The following PIEZO2 variants were observed in gnomAD, a reference collection of about 807,000 sequenced individuals.
The protein encoded by PIEZO2 is piezo type mechanosensitive ion channel component 2, also known as piezo-type mechanosensitive ion channel component 2.
In PIEZO2, 172 loss-of-function variants were observed where a neutral mutation model predicts 337.3. The ratio of observed to expected loss-of-function variants is 0.51; its 90% CI spans 0.45 to 0.58. The LOEUF (loss-of-function observed/expected upper bound fraction) is 0.58. Ranked by LOEUF, PIEZO2 falls within the 20% of genes least tolerant of loss-of-function variation. The pLI is 0.00. For synonymous variants in PIEZO2, 1,251 were observed against 1,228.5 expected, an observed-to-expected ratio of 1.02 and a Z score of -0.38; for missense variants, 3,028 against 3,391.3, an observed-to-expected ratio of 0.89 and a Z score of 2.66.
rs1196679498 is a variant in PIEZO2 at position 10,699,098 on chromosome 18, C to T, written c.6521G>A (p.Gly2174Asp). Residue 2174 changes from glycine to aspartate, a missense_variant, in exon 44 of 56, where the codon GGT becomes GAT. Physicochemically the swap from Gly to Asp is moderately conservative, Grantham distance 94. Coordinates refer to ENST00000674853, the MANE Select transcript of PIEZO2 (RefSeq NM_001378183.1). ...REESDDELSL[G>D]HGRRDSSDSL... ...ATCGGAGGAGTCCCTCCTGCCATGA[C>T]CGAGGGAGAGCTCATCATCTGATTC... is the stretch of plus-strand genomic sequence containing the variant. 6.5e-7 allele frequency: 1 copy of T among 1,537,208 alleles called. No individual in the cohort carries two copies. Among genetic ancestry groups the T allele is most frequent in the Non-Finnish European group, 8.7e-7 (1 of 1,146,898 alleles).
chr18:10,941,568 T>TA lies in PIEZO2; in HGVS notation c.287-30341dup, dbSNP rs1193346452. Reference sequence around the variant, plus strand: ...CCTAGTAGAAGCAAACACATTCTTTTAAAAAGGAATACGTTTTCATTCTAA... The same window carrying TA: ...CCTAGTAGAAGCAAACACATTCTTTTAAAAAAGGAATACGTTTTCATTCTAA... On this transcript the variant is annotated intron_variant, in intron 3 of 55. Coordinates refer to ENST00000674853, the MANE Select transcript of PIEZO2 (RefSeq NM_001378183.1). Among the ~76,000 whole-genome samples, 4 of 152,298 alleles carry TA rather than the reference T, an allele frequency of 2.6e-5. No homozygotes were observed. In the East Asian group the frequency reaches 7.7e-4, roughly 29 times the overall value.
At chr18:10,896,770 C>T (rs142501677) in intron 4 of PIEZO2, among the ~76,000 whole-genome samples, 1 of 152,308 alleles carries the variant, frequency 6.6e-6, no homozygotes, top group Non-Finnish European at 1.5e-5. Flanking sequence ...GTTCACTGAT[C>T]CTTGCTGTGT....
At chr18:11,053,451 A>G (rs527748726) in intron 2 of PIEZO2, among the ~76,000 whole-genome samples, 1 of 152,312 alleles carries the variant, frequency 6.6e-6, no homozygotes, top group South Asian at 2.1e-4. Flanking sequence ...TAATAACAAC[A>G]GCCCACTTAA....
chr18:10,699,318 C>G, intron 43 of PIEZO2, 141 bp from the exon 44 acceptor site: 1 of 1,177,544 alleles, frequency 8.5e-7, no homozygotes, highest in Non-Finnish European at 1.2e-6. Context: ...GTCCCCATAT[C>G]TCATCTTGAA....
At position 10,813,226 on chromosome 18, in the gene PIEZO2, G is replaced by A. The variant is rs557577396; in HGVS notation, c.918-5952C>T. On this transcript the variant is annotated intron_variant, in intron 7 of 55. Coordinates refer to ENST00000674853, the MANE Select transcript of PIEZO2 (RefSeq NM_001378183.1). The surrounding 1 kb of genome is among the most constrained non-coding windows in gnomAD (Gnocchi z 4.2). ...CAACTCCTGACCTCGTGATTTGCCC[G>A]CCTGGGCCTCCCAAAGTGCTGGCAT... Among the ~76,000 whole-genome samples, 1 of 152,232 alleles carries A rather than the reference G, an allele frequency of 6.6e-6. No homozygotes were observed. Among genetic ancestry groups the A allele is most frequent in the East Asian group, 1.9e-4 (1 of 5,176 alleles).
intron 2 of PIEZO2, among the ~76,000 whole-genome samples, chr18:11,050,635 T>C (rs957982002): frequency 1.3e-5 from 2 of 152,032 alleles, no homozygotes; most frequent in Non-Finnish European, 2.9e-5. Flanking sequence ...AAATATGTTT[T>C]TCTATCTTCT....
At position 10,847,176 on chromosome 18, in the gene PIEZO2, T is replaced by C. The variant is rs968483731; in HGVS notation, c.917+8177A>G. Among the ~76,000 whole-genome samples the C allele has an allele frequency of 1.3e-5, 2 of 152,198 alleles. No individual in the cohort carries two copies. The highest frequency in any genetic ancestry group is 2.4e-5 in the African/African-American group (1 of 41,460). On this transcript the variant is annotated intron_variant, in intron 7 of 55. Coordinates refer to ENST00000674853, the MANE Select transcript of PIEZO2 (RefSeq NM_001378183.1). The surrounding 1 kb of genome is among the most constrained non-coding windows in gnomAD (Gnocchi z 5.7). ...TTAGCAGAATCCTCTTAGTGTGGTA[T>C]TATTAAATCAGTGGAACCCATGTGA... is the stretch of plus-strand genomic sequence containing the variant.
Position 10,705,454 on chromosome 18 carries a change from A to C in PIEZO2, c.5881T>G (p.Ser1961Ala), listed in dbSNP as rs2035538432. The change falls in exon 41 of 56, where the codon TCT becomes GCT. Residue 1961 changes from serine (S) to alanine (A), a missense_variant. By Grantham distance (99) the Ser-to-Ala change is moderately conservative (BLOSUM62 1). Transcript: ENST00000674853. ...EHLSFGSQDD[S>A]AGKNRMAVSP... The stretch of plus-strand genomic sequence containing the variant: ...ACTGCCATACGGTTCTTGCCTGCAG[A>C]GTCGTCCTGCGAGCCGAAGGACAGA... 2.6e-6 allele frequency: 4 copies of C among 1,537,068 alleles called. No individual in the cohort carries two copies. The Admixed American group carries it at 7.8e-5, about 30-fold the overall frequency.
intron 49 of PIEZO2, among the ~76,000 whole-genome samples, chr18:10,686,759 G>T (rs943619233): frequency 2.0e-5 from 3 of 152,258 alleles, no homozygotes; most frequent in Non-Finnish European, 4.4e-5. Context: ...TGTCTTCATT[G>T]GTATCTGGAG....
At chr18:10,802,049 G>GCA (rs1180787238) in intron 9 of PIEZO2, among the ~76,000 whole-genome samples, 1 of 132,790 alleles carries the variant, frequency 7.5e-6, no homozygotes, top group South Asian at 2.3e-4. Context: ...TCCCGCCACT[G>GCA]CACTCCAGCC....
rs143871129 is a variant in PIEZO2 at position 10,952,900 on chromosome 18, ATCCC to A, written c.286+26631_286+26634del. On this transcript the variant is annotated intron_variant, in intron 3 of 55. Coordinates refer to ENST00000674853, the MANE Select transcript of PIEZO2 (RefSeq NM_001378183.1). This position sits in a 1 kb window ranked among gnomAD's most constrained non-coding sequence, Gnocchi z 4.1. ...CTTCCTTCCTTTCATCCCTCCCTCC[ATCCC>A]TCCCTCCCTCCTTCCTTCCTTCTTT... 0.083 allele frequency among the ~76,000 whole-genome samples: 12,114 copies of A among 146,794 alleles called. 546 individuals are homozygous for A. The highest frequency in any genetic ancestry group is 0.13 in the Admixed American group (1,932 of 14,702).
intron 4 of PIEZO2, among the ~76,000 whole-genome samples, chr18:10,886,233 T>C (rs185291753): frequency 4.6e-4 from 66 of 144,212 alleles, no homozygotes; most frequent in African/African-American, 1.7e-3. Flanking sequence ...CTGCAGTGTG[T>C]GTGCAGTATC....
At chr18:10,802,065 G>A (rs867470366) in intron 9 of PIEZO2, among the ~76,000 whole-genome samples, 48 of 131,630 alleles carry the variant, frequency 3.6e-4, no homozygotes, top group Non-Finnish European at 6.0e-4. Context: ...CAGCCTGGGC[G>A]ACAGAGCGAG....
chr18:11,034,048 G>A (rs2036833343), intron 2 of PIEZO2, among the ~76,000 whole-genome samples: 1 of 152,120 alleles, frequency 6.6e-6, no homozygotes, highest in Non-Finnish European at 1.5e-5. Flanking sequence ...GCTGGACTTC[G>A]TTAGTGGCCT....
rs533950874 is a variant in PIEZO2, at chr18:10,857,321, T to A, written c.493-110A>T. Reference sequence around the variant, plus strand: ...CAGTCAACGTGGTGAATTTCACAGATCAGGAAAAAAGGGAAGACAACCAGT... The same window carrying A: ...CAGTCAACGTGGTGAATTTCACAGAACAGGAAAAAAGGGAAGACAACCAGT... On this transcript the variant is annotated intron_variant, in intron 5 of 55. Coordinates refer to ENST00000674853, the MANE Select transcript of PIEZO2 (RefSeq NM_001378183.1). The A allele has an allele frequency of 2.0e-4, 190 of 948,394 alleles. No individual in the cohort carries two copies. In the African/African-American group the frequency reaches 2.6e-3, roughly 13 times the overall value. The allele number at this position is 948,394 out of a possible 1,614,324, so 58.7% of individuals were successfully genotyped here.
intron 1 of PIEZO2, among the ~76,000 whole-genome samples, chr18:11,119,361 A>C (rs1433029154): frequency 6.6e-6 from 1 of 152,052 alleles, no homozygotes; most frequent in Non-Finnish European, 1.5e-5. Flanking sequence ...GATGGTCTTG[A>C]TCTCTTGACC....
rs1235858544 is a variant in PIEZO2, at chr18:10,824,482, T to G, written c.918-17208A>C. Among the ~76,000 whole-genome samples the G allele has an allele frequency of 1.3e-5, 2 of 152,196 alleles. No individual in the cohort carries two copies. Among genetic ancestry groups the G allele is most frequent in the Non-Finnish European group, 2.9e-5 (2 of 68,034 alleles). ...GCTATGAACAGTAATAGTGCAAAGC[T>G]AATAAAATTTTAAATGAACATGACA... On this transcript the variant is annotated intron_variant, in intron 7 of 55. Coordinates refer to ENST00000674853, the MANE Select transcript of PIEZO2 (RefSeq NM_001378183.1). This position sits in a 1 kb window ranked among gnomAD's most constrained non-coding sequence, Gnocchi z 4.4.
intron 1 of PIEZO2, among the ~76,000 whole-genome samples, chr18:11,136,548 G>C (rs1448143813): frequency 6.6e-6 from 1 of 152,208 alleles, no homozygotes; most frequent in African/African-American, 2.4e-5. Context: ...GACTGATTTT[G>C]GGCCCCAAGG....
Position 10,767,119 on chromosome 18 carries a change from G to C in PIEZO2, c.2946+3029C>G, listed in dbSNP as rs2038398447. On this transcript the variant is annotated intron_variant, in intron 21 of 55. Coordinates refer to ENST00000674853, the MANE Select transcript of PIEZO2 (RefSeq NM_001378183.1). The surrounding 1 kb of genome is among the most constrained non-coding windows in gnomAD (Gnocchi z 4.2). ...TTGCTCAAGACTCACTGACCTCACA[G>C]AGCTGTCCAATAGCCTTCGGAATTA... Among the ~76,000 whole-genome samples the C allele has an allele frequency of 6.6e-6, 1 of 151,284 alleles. No individual in the cohort carries two copies. The highest frequency in any genetic ancestry group is 1.5e-5 in the Non-Finnish European group (1 of 67,974).
Sources: gnomAD v4.1 joint callset for allele counts (sites outside exome capture counted in the v4.1 genomes callset) on GRCh38, gnomAD v4.1.1 for gene constraint, Gnocchi (gnomAD v3.1) non-coding constraint, MANE v1.5 for transcripts, NCBI Gene and HGNC (gene_info 2026-07-23, HGNC 2026-07-21) for gene names.